SEC24D: variants seen among roughly 807,000 people sequenced by gnomAD.
The protein encoded by SEC24D is protein transport protein Sec24D.
Under a neutral mutation model 116.9 loss-of-function variants are expected in SEC24D, and 69 were observed. That is an observed-to-expected ratio of 0.59 (90% confidence interval 0.49 to 0.72). The LOEUF is 0.72. Among genes scored for constraint, SEC24D ranks in the 30% least tolerant of loss-of-function variants. SEC24D has a pLI of 0.00. For synonymous variants in SEC24D, 405 were observed against 442.8 expected (o/e 0.91, Z 1.07); for missense variants, 1,131 against 1,264.1 (o/e 0.89, Z 1.60).
At chr4:118,785,185 A>C (rs1728616604) in intron 8 of SEC24D, among the ~76,000 whole-genome samples, 1 of 152,226 alleles carries the variant, frequency 6.6e-6, no homozygotes, top group Non-Finnish European at 1.5e-5. Flanking sequence ...TGAATACAAC[A>C]AGCTCAATAA....
intron 8 of SEC24D, among the ~76,000 whole-genome samples, chr4:118,768,991 C>T (rs942861583): frequency 1.3e-5 from 2 of 152,128 alleles, no homozygotes; most frequent in African/African-American, 4.8e-5. Context: ...TAAGTTTCTT[C>T]ATAGATTATA....
intron 8 of SEC24D, among the ~76,000 whole-genome samples, chr4:118,784,746 C>G (rs563301360): frequency 1.5e-3 from 233 of 151,620 alleles, no homozygotes; most frequent in African/African-American, 5.5e-3. Context: ...CCTGCCCCCC[C>G]CCCCGCCACC....
chr4:118,826,530 T>C (rs1730597961), intron 2 of SEC24D, among the ~76,000 whole-genome samples: 1 of 152,202 alleles, frequency 6.6e-6, no homozygotes, highest in Admixed American at 6.5e-5. Flanking sequence ...TGGACAAAAG[T>C]AGGCAATTCA....
intron 6 of SEC24D, among the ~76,000 whole-genome samples, chr4:118,809,580 A>T (rs1317835428): frequency 6.6e-6 from 1 of 152,168 alleles, no homozygotes; most frequent in Non-Finnish European, 1.5e-5. Context: ...TAAATACTGG[A>T]CTGATTTGTC....
chr4:118,737,221 G>A (rs1726005176), intron 19 of SEC24D, among the ~76,000 whole-genome samples: 1 of 152,210 alleles, frequency 6.6e-6, no homozygotes, highest in Non-Finnish European at 1.5e-5. Context: ...CTATGAAATA[G>A]TACTGATATT....
rs748712504 is a variant in SEC24D, at chr4:118,744,173, C to CA, written c.1825-16dup. On this transcript the variant is annotated splice_polypyrimidine_tract_variant and intron_variant, in intron 14 of 22. Transcript: ENST00000280551. ...TGGAAAAGTATCTGGAAAAAAGATG[C>CA]AAAAAAAAAGAAAAAATAAAAATTA... 4.3e-4 allele frequency: 631 copies of CA among 1,459,928 alleles called. No individual in the cohort carries two copies. Among genetic ancestry groups the CA allele is most frequent in the Middle Eastern group, 1.1e-3 (6 of 5,396 alleles). The allele number at this position is 1,459,928 out of a possible 1,614,324, so 90.4% of individuals were successfully genotyped here.
chr4:118,754,380 A>G (rs1037526473), intron 11 of SEC24D, among the ~76,000 whole-genome samples: 11 of 152,112 alleles, frequency 7.2e-5, no homozygotes, highest in African/African-American at 2.7e-4. Flanking sequence ...ACTCTTCAAA[A>G]CCAAGTGCAA....
chr4:118,832,553 G>T (rs1353148398), intron 2 of SEC24D, among the ~76,000 whole-genome samples: 1 of 151,760 alleles, frequency 6.6e-6, no homozygotes, highest in Non-Finnish European at 1.5e-5. Context: ...ACTTAGGTGT[G>T]TATGCAATTT....
At chr4:118,769,348 T>C (rs1477736498) in intron 8 of SEC24D, among the ~76,000 whole-genome samples, 1 of 152,192 alleles carries the variant, frequency 6.6e-6, no homozygotes, top group Non-Finnish European at 1.5e-5. Context: ...CCTTCCCAAC[T>C]CTTCTGGCTT....
intron 8 of SEC24D, among the ~76,000 whole-genome samples, chr4:118,791,555 C>T (rs1052850171): frequency 2.0e-5 from 3 of 152,152 alleles, no homozygotes; most frequent in Non-Finnish European, 4.4e-5. Context: ...TCTCCCTCCA[C>T]GGTCTCCCTC....
chr4:118,727,443 G>A (rs1007204297), intron 22 of SEC24D, among the ~76,000 whole-genome samples: 1 of 152,094 alleles, frequency 6.6e-6, no homozygotes, highest in African/African-American at 2.4e-5. Flanking sequence ...CCTGAAGGAG[G>A]AACTACTGAG....
At position 118,731,296 on chromosome 4, in the gene SEC24D, G is replaced by A. The variant is rs1227250247; in HGVS notation, c.2868+20C>T. 1.9e-6 allele frequency: 3 copies of A among 1,581,524 alleles called. No individual in the cohort carries two copies. The highest frequency in any genetic ancestry group is 2.6e-6 in the Non-Finnish European group (3 of 1,150,966). ...TTATATTTTTCATATTACCACAAAA[G>A]CAATGAAAATAATACTTACCATATC... On this transcript the variant is annotated intron_variant, in intron 21 of 22. Transcript: ENST00000280551.
chr4:118,814,963 T>G (rs1730074272), intron 6 of SEC24D, 65 bp downstream of exon 6: 106 of 1,536,076 alleles, frequency 6.9e-5, no homozygotes, highest in Non-Finnish European at 8.4e-5. Context: ...AACAAACTGA[T>G]GAGTTGCTGA....
intron 19 of SEC24D, 60 bp from the exon 20 acceptor site, chr4:118,732,972 C>T: frequency 7.2e-7 from 1 of 1,384,516 alleles, no homozygotes; most frequent in Non-Finnish European, 1.0e-6. Flanking sequence ...ATTCCCTGAG[C>T]TTCATCTGTA....
At chr4:118,827,069 A>G (rs180861627) in intron 2 of SEC24D, among the ~76,000 whole-genome samples, 1 of 152,308 alleles carries the variant, frequency 6.6e-6, no homozygotes, top group African/African-American at 2.4e-5. Flanking sequence ...TTTTCTTCAT[A>G]TAGAAGACAG....
intron 6 of SEC24D, among the ~76,000 whole-genome samples, chr4:118,814,082 T>C (rs1266259075): frequency 6.6e-6 from 1 of 152,276 alleles, no homozygotes; most frequent in Admixed American, 6.5e-5. Flanking sequence ...CAAGTACTTA[T>C]GTTTATCGAA....
chr4:118,781,907 T>A lies in SEC24D; in HGVS notation c.1042-13596A>T, dbSNP rs1728432125. ...TGAAGCTTGTGCATGCGTCACGTAGTTTTCGCACCATGGTTTTCAGCTCCA... is the reference window on the plus strand; with the variant it reads ...TGAAGCTTGTGCATGCGTCACGTAGATTTCGCACCATGGTTTTCAGCTCCA... On this transcript the variant is annotated intron_variant, in intron 8 of 22. Transcript: ENST00000280551. 2.6e-5 allele frequency among the ~76,000 whole-genome samples: 4 copies of A among 152,212 alleles called. No individual in the cohort carries two copies. The South Asian group carries it at 8.3e-4, about 32-fold the overall frequency.
At chr4:118,777,807 C>G (rs943079009) in intron 8 of SEC24D, among the ~76,000 whole-genome samples, 2 of 152,206 alleles carry the variant, frequency 1.3e-5, no homozygotes, top group Admixed American at 1.3e-4. Context: ...GCCATTCTAA[C>G]TGGCGTGAGA....
chr4:118,733,129 G>A, intron 19 of SEC24D: 1 of 455,808 alleles, frequency 2.2e-6, no homozygotes, highest in South Asian at 2.7e-5. Flanking sequence ...TGCTACAGCA[G>A]TCTGGTGTAG....
Sources: allele counts gnomAD v4.1 joint callset (sites outside exome capture counted in the v4.1 genomes callset), GRCh38; gene constraint gnomAD v4.1.1; transcripts MANE v1.5; gene names NCBI Gene and HGNC (gene_info 2026-07-23, HGNC 2026-07-21).